AGBL1: variants seen among roughly 807,000 people sequenced by gnomAD.
AGBL1 encodes the protein cytosolic carboxypeptidase 4.
AGBL1 carries 130 observed loss-of-function variants against 118.9 expected under a neutral mutation model. The ratio of observed to expected loss-of-function variants is 1.09; its 90% CI spans 0.95 to 1.26. The LOEUF (loss-of-function observed/expected upper bound fraction) is 1.26, where lower values mean the gene tolerates loss of function less well. Among genes scored for constraint, AGBL1 ranks in the 50% most tolerant of loss-of-function variants. The pLI is 0.00. For synonymous variants in AGBL1, 555 were observed against 478.9 expected, an observed-to-expected ratio of 1.16 and a Z score of -2.08; for missense variants, 1,584 against 1,298.1, an observed-to-expected ratio of 1.22 and a Z score of -3.38.
chr15:86,875,750 G>T (rs536563966), intron 22 of AGBL1, among the ~76,000 whole-genome samples: 1 of 152,142 alleles, frequency 6.6e-6, no homozygotes, highest in Non-Finnish European at 1.5e-5. Context: ...TTGAGAATGG[G>T]GTAGAGATCA....
chr15:86,456,647 A>T (rs16977319), intron 18 of AGBL1, among the ~76,000 whole-genome samples: 386 of 152,330 alleles, frequency 2.5e-3, no homozygotes, highest in African/African-American at 8.7e-3. Context: ...AGTTCAGAAG[A>T]GGTCTGATAA....
At chr15:86,824,858 G>A (rs2078985822) in intron 22 of AGBL1, among the ~76,000 whole-genome samples, 1 of 152,022 alleles carries the variant, frequency 6.6e-6, no homozygotes, top group Non-Finnish European at 1.5e-5. Flanking sequence ...AGGAGTTCAA[G>A]AGCAGCCTGG....
intron 16 of AGBL1, 87 bp from the exon 17 acceptor site, chr15:86,295,167 TA>T: frequency 1.4e-6 from 2 of 1,453,662 alleles, no homozygotes; most frequent in Non-Finnish European, 1.9e-6. Flanking sequence ...ACAATACTTC[TA>T]AACTATATGT....
chr15:86,279,546 G>A (rs1428421532), intron 15 of AGBL1, 93 bp from the exon 16 acceptor site: 24 of 1,259,420 alleles, frequency 1.9e-5, no homozygotes, highest in Middle Eastern at 2.0e-4. Flanking sequence ...AGTATATAAC[G>A]CACAAGATTT....
chr15:86,832,098 G>T (rs1459334155), intron 22 of AGBL1, among the ~76,000 whole-genome samples: 1 of 152,332 alleles, frequency 6.6e-6, no homozygotes, highest in East Asian at 1.9e-4. Flanking sequence ...GGGATGCAGA[G>T]CACTAAGTCC....
At chr15:86,654,723 T>G (rs2085435006) in intron 21 of AGBL1, among the ~76,000 whole-genome samples, 1 of 152,150 alleles carries the variant, frequency 6.6e-6, no homozygotes, top group Admixed American at 6.6e-5. Flanking sequence ...TGGGGAGGAC[T>G]GTGGTCATTG....
intron 21 of AGBL1, among the ~76,000 whole-genome samples, chr15:86,557,856 C>G (rs1203953951): frequency 6.6e-6 from 1 of 152,070 alleles, no homozygotes; most frequent in African/African-American, 2.4e-5. Flanking sequence ...TCCAAGCCCT[C>G]AAATGATGAT....
chr15:86,735,657 T>G (rs551776183), intron 22 of AGBL1, among the ~76,000 whole-genome samples: 75 of 150,920 alleles, frequency 5.0e-4, no homozygotes, highest in Non-Finnish European at 9.0e-4. Flanking sequence ...CAAAGAGAGA[T>G]ATATATATAT....
chr15:86,358,681 G>C (rs2080758400), intron 17 of AGBL1, among the ~76,000 whole-genome samples: 1 of 151,720 alleles, frequency 6.6e-6, no homozygotes, highest in Non-Finnish European at 1.5e-5. Context: ...CCACATCCTT[G>C]CTAATATTTA....
chr15:86,461,472 C>T lies in AGBL1; in HGVS notation c.2556-61338C>T, dbSNP rs150770152. Among the ~76,000 whole-genome samples, 51 of 152,168 alleles carry T rather than the reference C, an allele frequency of 3.4e-4. No homozygotes were observed. The East Asian group carries it at 7.9e-3, about 24-fold the overall frequency. On this transcript the variant is annotated intron_variant, in intron 18 of 22. Coordinates refer to ENST00000614907, the MANE Select transcript of AGBL1 (RefSeq NM_001386094.1). ...GTTTTATAATATCGTATTTATATAG[C>T]GCTTATCTCCCTAGAGCACACATAC...
intron 1 of AGBL1, among the ~76,000 whole-genome samples, chr15:86,103,263 A>G (rs755634216): frequency 4.6e-5 from 7 of 152,196 alleles, no homozygotes; most frequent in Admixed American, 2.0e-4. Flanking sequence ...GAATTATAGT[A>G]AAAAATAATT....
chr15:86,742,248 C>A (rs1206254328), intron 22 of AGBL1, among the ~76,000 whole-genome samples: 2 of 152,062 alleles, frequency 1.3e-5, no homozygotes, highest in Admixed American at 1.3e-4. Context: ...TTTTTATGAG[C>A]CCCTACAAAT....
At chr15:87,031,361 A>C (rs1164169778), downstream of AGBL1, among the ~76,000 whole-genome samples, 4 of 151,966 alleles carry the variant, frequency 2.6e-5, no homozygotes, top group African/African-American at 9.7e-5. Context: ...AAAAATATAC[A>C]TTTACAGCAA....
intron 18 of AGBL1, among the ~76,000 whole-genome samples, chr15:86,477,570 T>C (rs2082580160): frequency 6.6e-6 from 1 of 152,174 alleles, no homozygotes; most frequent in South Asian, 2.1e-4. Context: ...TAACAGGCTC[T>C]GAAATTGAGG....
At chr15:87,012,046 A>G (rs1268457310) in intron 24 of AGBL1, among the ~76,000 whole-genome samples, 2 of 152,180 alleles carry the variant, frequency 1.3e-5, no homozygotes, top group African/African-American at 4.8e-5. Flanking sequence ...GGCCCAACAG[A>G]GGCTACTATG....
At chr15:86,503,117 T>C (rs2082935721) in intron 18 of AGBL1, among the ~76,000 whole-genome samples, 1 of 151,564 alleles carries the variant, frequency 6.6e-6, no homozygotes, top group Admixed American at 6.6e-5. Flanking sequence ...TTCAATCTTT[T>C]ATTTATTATA....
intron 21 of AGBL1, among the ~76,000 whole-genome samples, chr15:86,665,070 G>A (rs1030148178): frequency 6.6e-6 from 1 of 152,024 alleles, no homozygotes; most frequent in African/African-American, 2.4e-5. Flanking sequence ...TAAAATTGGG[G>A]TCATAAAGAA....
intron 22 of AGBL1, among the ~76,000 whole-genome samples, chr15:86,823,274 G>A (rs193231004): frequency 4.9e-4 from 75 of 152,112 alleles, no homozygotes; most frequent in African/African-American, 1.7e-3. Flanking sequence ...AGAAAGGGTG[G>A]GACATACGAC....
chr15:86,564,978 C>G (rs1298707531), intron 21 of AGBL1, among the ~76,000 whole-genome samples: 1 of 152,174 alleles, frequency 6.6e-6, no homozygotes, highest in Non-Finnish European at 1.5e-5. Context: ...GTTTTCAGCT[C>G]CATCAGGTCC....
Sources: gnomAD v4.1 joint callset for allele counts (sites outside exome capture counted in the v4.1 genomes callset) on GRCh38, gnomAD v4.1.1 for gene constraint, MANE v1.5 for transcripts, NCBI Gene and HGNC (gene_info 2026-07-23, HGNC 2026-07-21) for gene names.